Variants in DLG2 observed in about 807,000 individuals in gnomAD.
DLG2 encodes discs large MAGUK scaffold protein 2.
A neutral mutation model predicts 132.5 loss-of-function variants in DLG2; 45 were observed. The ratio of observed to expected loss-of-function variants is 0.34; its 90% CI spans 0.27 to 0.44. DLG2 has a LOEUF of 0.44. DLG2 is among the 20% of genes least tolerant of loss of function. The pLI is 1.00. For synonymous variants in DLG2, 424 were observed against 419.6 expected, an observed-to-expected ratio of 1.01 and a Z score of -0.13; for missense variants, 1,045 against 1,196.9, an observed-to-expected ratio of 0.87 and a Z score of 1.87.
intron 3 of DLG2, among the ~76,000 whole-genome samples, chr11:85,460,859 G>A (rs1405758743): frequency 6.6e-6 from 1 of 152,168 alleles, no homozygotes; most frequent in East Asian, 1.9e-4. Flanking sequence ...ATATTTGTGA[G>A]GTTTATGTTT....
At chr11:84,049,537 C>T (rs1308414476) in intron 11 of DLG2, among the ~76,000 whole-genome samples, 1 of 151,738 alleles carries the variant, frequency 6.6e-6, no homozygotes, top group African/African-American at 2.4e-5. Flanking sequence ...CCTTGCACTC[C>T]CCACTCATCT....
intron 3 of DLG2, among the ~76,000 whole-genome samples, chr11:85,370,830 G>T (rs2084920407): frequency 1.3e-5 from 2 of 152,082 alleles, no homozygotes; most frequent in Admixed American, 1.3e-4. Context: ...CCAAAATGAT[G>T]CTCAATCTTC....
At chr11:85,065,108 G>C (rs756437466) in intron 6 of DLG2, among the ~76,000 whole-genome samples, 1 of 151,424 alleles carries the variant, frequency 6.6e-6, no homozygotes, top group Non-Finnish European at 1.5e-5. Flanking sequence ...GGGAGGAGTA[G>C]ATAATAAAAA....
intron 22 of DLG2, among the ~76,000 whole-genome samples, chr11:83,473,409 G>A (rs1591431782): frequency 6.6e-6 from 1 of 152,256 alleles, no homozygotes; most frequent in South Asian, 2.1e-4. Flanking sequence ...GGAAGACACA[G>A]TAGTAAAATG....
At chr11:83,597,519 A>G (rs965819338) in intron 19 of DLG2, among the ~76,000 whole-genome samples, 1 of 152,110 alleles carries the variant, frequency 6.6e-6, no homozygotes, top group African/African-American at 2.4e-5. Context: ...CCCCGTCTCT[A>G]CCAAAATTAA....
At chr11:84,837,386 C>A (rs866872397) in intron 6 of DLG2, among the ~76,000 whole-genome samples, 7 of 151,642 alleles carry the variant, frequency 4.6e-5, no homozygotes, top group Admixed American at 2.6e-4. Context: ...TTTGAAGACA[C>A]TGATGAGAAG....
chr11:84,038,497 T>TA (rs2095942668), intron 11 of DLG2, among the ~76,000 whole-genome samples: 1 of 151,962 alleles, frequency 6.6e-6, no homozygotes, highest in Non-Finnish European at 1.5e-5. Context: ...TGTGTTTTTT[T>TA]AAAAAAGTAT....
chr11:83,811,323 C>G (rs960958703), intron 17 of DLG2, among the ~76,000 whole-genome samples: 1 of 152,078 alleles, frequency 6.6e-6, no homozygotes, highest in Admixed American at 6.6e-5. Flanking sequence ...TTTGAAGACT[C>G]TTTTCTTAGT....
intron 6 of DLG2, among the ~76,000 whole-genome samples, chr11:84,809,150 G>A (rs1598602855): frequency 6.6e-6 from 1 of 151,860 alleles, no homozygotes. Context: ...ATCAATCCGT[G>A]TACTCAACAA....
chr11:84,715,898 G>A (rs897284416), intron 6 of DLG2, among the ~76,000 whole-genome samples: 2 of 152,038 alleles, frequency 1.3e-5, no homozygotes, highest in Non-Finnish European at 2.9e-5. Context: ...TCTGTGAGAT[G>A]CTAATTTCGT....
chr11:85,171,490 C>T (rs553464891), intron 4 of DLG2, among the ~76,000 whole-genome samples: 1 of 152,322 alleles, frequency 6.6e-6, no homozygotes, highest in East Asian at 1.9e-4. Flanking sequence ...ATAATGGCCA[C>T]TGGGGCATGC....
At chr11:83,980,474 T>C (rs1273734856) in intron 12 of DLG2, 32 bp downstream of exon 12, 2 of 1,596,562 alleles carry the variant, frequency 1.3e-6, no homozygotes, top group Non-Finnish European at 8.5e-7. Context: ...GCTTTATAAA[T>C]ATACACACAG....
chr11:83,624,156 T>C (rs2153439604), intron 19 of DLG2, among the ~76,000 whole-genome samples: 1 of 152,304 alleles, frequency 6.6e-6, no homozygotes, highest in African/African-American at 2.4e-5. Flanking sequence ...GGTCTGTGGC[T>C]CAGAAGAGGT....
intron 6 of DLG2, among the ~76,000 whole-genome samples, chr11:85,022,389 T>C (rs1252347342): frequency 1.2e-4 from 19 of 152,044 alleles, no homozygotes; most frequent in Admixed American, 1.2e-3. Flanking sequence ...AATATATACT[T>C]TGCGACTAAG....
At chr11:83,912,032 A>C (rs11233805) in intron 15 of DLG2, among the ~76,000 whole-genome samples, 14,959 of 152,162 alleles carry the variant, frequency 0.098, 987 homozygotes, top group Middle Eastern at 0.22. Context: ...CAAGAGCAAA[A>C]ATGGCAATCA....
intron 11 of DLG2, among the ~76,000 whole-genome samples, chr11:83,982,562 G>C (rs547922944): frequency 3.3e-5 from 5 of 150,902 alleles, no homozygotes; most frequent in Non-Finnish European, 4.4e-5. Flanking sequence ...CAATATGTTT[G>C]TTTTAAGCTA....
chr11:84,103,038 T>G lies in DLG2; in HGVS notation c.625-3991A>C, dbSNP rs970596230. Among the ~76,000 whole-genome samples the G allele has an allele frequency of 5.9e-5, 9 of 152,240 alleles. No homozygotes were observed. The South Asian group carries it at 1.9e-3, about 32-fold the overall frequency. On this transcript the variant is annotated intron_variant, in intron 9 of 27. Transcript: ENST00000376104. ...CAGAATGTAACTTGCCCTGTGTTTC[T>G]GGTCCCAAAGCATCCCTGAAAGCTT...
intron 9 of DLG2, among the ~76,000 whole-genome samples, chr11:84,127,137 A>G (rs1471327137): frequency 6.6e-6 from 1 of 152,164 alleles, no homozygotes; most frequent in Non-Finnish European, 1.5e-5. Context: ...GGCTATCTAT[A>G]TTGTGATTAT....
At chr11:83,779,537 C>T (rs1321928719) in intron 18 of DLG2, among the ~76,000 whole-genome samples, 1 of 152,096 alleles carries the variant, frequency 6.6e-6, no homozygotes, top group Non-Finnish European at 1.5e-5. Flanking sequence ...TCATTGCATT[C>T]CATTCCTTGG....
Sources: gnomAD v4.1 joint callset for allele counts (sites outside exome capture counted in the v4.1 genomes callset) on GRCh38, gnomAD v4.1.1 for gene constraint, MANE v1.5 for transcripts, NCBI Gene and HGNC (gene_info 2026-07-23, HGNC 2026-07-21) for gene names.